Variants in CACNA1E observed in about 807,000 individuals in gnomAD.
The protein encoded by CACNA1E is voltage-dependent R-type calcium channel subunit alpha-1E.
In CACNA1E, 40 loss-of-function variants were observed where a neutral mutation model predicts 259.2. The ratio of observed to expected loss-of-function variants is 0.15; its 90% CI spans 0.12 to 0.20. CACNA1E has a LOEUF of 0.20. CACNA1E is among the 10% of genes least tolerant of loss of function. CACNA1E has a pLI of 1.00. For missense variants in CACNA1E, 1,874 were observed against 3,040.1 expected (o/e 0.62, Z 9.02); for synonymous variants, 1,104 against 1,138.5 (o/e 0.97, Z 0.61).
chr1:181,684,492 C>T (rs1650310827), intron 7 of CACNA1E, among the ~76,000 whole-genome samples: 1 of 152,040 alleles, frequency 6.6e-6, no homozygotes, highest in African/African-American at 2.4e-5. Flanking sequence ...TTAGGTCCTA[C>T]TTGTCAATTT....
chr1:181,536,531 T>C (rs1287956941), intron 3 of CACNA1E, among the ~76,000 whole-genome samples: 1 of 152,234 alleles, frequency 6.6e-6, no homozygotes, highest in African/African-American at 2.4e-5. Flanking sequence ...TATGTCTTCA[T>C]TCTCATTGAG....
At chr1:181,525,756 T>C (rs760278348) in intron 3 of CACNA1E, among the ~76,000 whole-genome samples, 4 of 152,238 alleles carry the variant, frequency 2.6e-5, no homozygotes, top group Non-Finnish European at 5.9e-5. Context: ...AGTAAATAAA[T>C]GGTTGTCACG....
At chr1:181,451,541 C>T (rs996313027) in intron 2 of CACNA1E, among the ~76,000 whole-genome samples, 7 of 152,020 alleles carry the variant, frequency 4.6e-5, no homozygotes, top group Non-Finnish European at 7.4e-5. Context: ...CAAAATTAGC[C>T]GGGCATGGTG....
At chr1:181,779,956 G>A (rs1008602644) in intron 38 of CACNA1E, among the ~76,000 whole-genome samples, 3 of 152,156 alleles carry the variant, frequency 2.0e-5, no homozygotes, top group Non-Finnish European at 4.4e-5. Context: ...TTTCACTGGA[G>A]ATGGAGAAGC....
At chr1:181,763,366 CATAATG>C (rs775928154) in intron 33 of CACNA1E, 34 bp from the exon 34 acceptor site, 2 of 1,516,750 alleles carry the variant, frequency 1.3e-6, no homozygotes, top group Non-Finnish European at 1.8e-6. Context: ...TCTAAATCAC[CATAATG>C]TTCCTAATTA....
intron 6 of CACNA1E, among the ~76,000 whole-genome samples, chr1:181,642,441 C>T (rs968368019): frequency 6.6e-6 from 1 of 152,082 alleles, no homozygotes; most frequent in Non-Finnish European, 1.5e-5. Context: ...AGAGCGGTTA[C>T]CTTGGTATTA....
intron 25 of CACNA1E, among the ~76,000 whole-genome samples, chr1:181,741,641 G>A (rs1215500688): frequency 6.6e-6 from 1 of 152,194 alleles, no homozygotes; most frequent in East Asian, 1.9e-4. Context: ...TTTAGAGGGA[G>A]CTCCTGCATG....
At chr1:181,764,560 G>A (rs1009971833) in intron 34 of CACNA1E, among the ~76,000 whole-genome samples, 11 of 152,216 alleles carry the variant, frequency 7.2e-5, no homozygotes, top group African/African-American at 2.4e-4. Context: ...ATTTTGAGAT[G>A]TGAGATCAAT....
intron 26 of CACNA1E, among the ~76,000 whole-genome samples, chr1:181,751,699 T>C (rs944292672): frequency 6.6e-6 from 1 of 152,208 alleles, no homozygotes; most frequent in Non-Finnish European, 1.5e-5. Flanking sequence ...GAACCTATCA[T>C]TTGACAAGCA....
chr1:181,774,486 G>T (rs2102785152), intron 37 of CACNA1E, among the ~76,000 whole-genome samples: 1 of 152,364 alleles, frequency 6.6e-6, no homozygotes, highest in Non-Finnish European at 1.5e-5. Flanking sequence ...CATCAGTGAA[G>T]TCTGGAGGAA....
intron 35 of CACNA1E, among the ~76,000 whole-genome samples, chr1:181,770,935 G>GA (rs1659449486): frequency 6.6e-6 from 1 of 152,156 alleles, no homozygotes; most frequent in Non-Finnish European, 1.5e-5. Flanking sequence ...CCTGCTGTGA[G>GA]ATAATGTCTT....
At chr1:181,663,082 A>G (rs1051473764) in intron 7 of CACNA1E, among the ~76,000 whole-genome samples, 2 of 152,118 alleles carry the variant, frequency 1.3e-5, no homozygotes, top group African/African-American at 4.8e-5. Context: ...TTTCTCCCAC[A>G]TGTTCCCATA....
chr1:181,536,454 C>T lies in CACNA1E; in HGVS notation c.512+24944C>T, dbSNP rs565098600. ...TTTCAGTTATCGAAATGTTCAATTG[C>T]ACCATCTCTAGGTAATTTTGTAAAA... On this transcript the variant is annotated intron_variant, in intron 3 of 47. Transcript: ENST00000367573. Among the ~76,000 whole-genome samples, 209 of 152,310 alleles carry T rather than the reference C, an allele frequency of 1.4e-3. 1 individual carries two copies. The highest frequency in any genetic ancestry group is 4.9e-3 in the African/African-American group (204 of 41,574).
rs1651414709 is a variant in CACNA1E at position 181,580,464 on chromosome 1, G to C, written c.770-131G>C. Reference sequence around the variant, plus strand: ...GCAGAGAGGCCAGGGAGGAGAGGGAGCCTGAGACAAAAAAGGGCAGGCCTC... The same window carrying C: ...GCAGAGAGGCCAGGGAGGAGAGGGACCCTGAGACAAAAAAGGGCAGGCCTC... On this transcript the variant is annotated intron_variant, in intron 5 of 47. Transcript: ENST00000367573. 2.2e-5 allele frequency: 18 copies of C among 801,780 alleles called. No individual in the cohort carries two copies. In the South Asian group the frequency reaches 2.8e-4, roughly 12 times the overall value. 49.7% of individuals were successfully genotyped at this position (801,780 alleles called of 1,614,324 possible).
intron 3 of CACNA1E, among the ~76,000 whole-genome samples, chr1:181,576,188 GCTT>G (rs1198245353): frequency 6.6e-6 from 1 of 152,152 alleles, no homozygotes; most frequent in African/African-American, 2.4e-5. Context: ...ATTTCTTTCT[GCTT>G]CTTATTTTTA....
At chr1:181,598,172 A>G (rs1284208490) in intron 6 of CACNA1E, among the ~76,000 whole-genome samples, 2 of 152,200 alleles carry the variant, frequency 1.3e-5, no homozygotes. Context: ...TCGGCAATTC[A>G]CTTCAACTTA....
At chr1:181,549,502 A>T (rs548946986) in intron 3 of CACNA1E, among the ~76,000 whole-genome samples, 81 of 152,342 alleles carry the variant, frequency 5.3e-4, no homozygotes, top group African/African-American at 1.9e-3. Context: ...TTGGGTGTAG[A>T]CACAACAGCT....
Position 181,785,429 on chromosome 1 carries a change from A to G in CACNA1E, c.5679+11A>G. 11 of 1,562,002 alleles carry G rather than the reference A, an allele frequency of 7.0e-6. No homozygotes were observed. The highest frequency in any genetic ancestry group is 1.4e-5 in the African/African-American group (1 of 74,002). On this transcript the variant is annotated intron_variant, in intron 42 of 47. Transcript: ENST00000367573. ...CAGCTGGAGGAACAGGTGAAAGTCAATGCCAGCATGCTAAGTGGGTGGGCC... is the reference window on the plus strand; with the variant it reads ...CAGCTGGAGGAACAGGTGAAAGTCAGTGCCAGCATGCTAAGTGGGTGGGCC...
chr1:181,475,628 G>C (rs1662792479), intron 2 of CACNA1E, among the ~76,000 whole-genome samples: 1 of 152,214 alleles, frequency 6.6e-6, no homozygotes, highest in Admixed American at 6.5e-5. Flanking sequence ...GTGTTGGAAA[G>C]ATAGGTTGAA....
Sources: gnomAD v4.1 joint callset for allele counts (sites outside exome capture counted in the v4.1 genomes callset) on GRCh38, gnomAD v4.1.1 for gene constraint, MANE v1.5 for transcripts, NCBI Gene and HGNC (gene_info 2026-07-23, HGNC 2026-07-21) for gene names.